RPIA: variants seen among roughly 807,000 people sequenced by gnomAD.
RPIA encodes ribose-5-phosphate isomerase.
A neutral mutation model predicts 37.8 loss-of-function variants in RPIA; 29 were observed. That is an observed-to-expected ratio of 0.77 (90% confidence interval 0.57 to 1.05). The LOEUF is 1.05. Among genes scored for constraint, RPIA ranks in the 50% least tolerant of loss-of-function variants. The pLI, the probability that RPIA is intolerant of heterozygous loss-of-function variation, is 0.00. For missense variants in RPIA, 385 were observed against 413.6 expected, an observed-to-expected ratio of 0.93 and a Z score of 0.60; for synonymous variants, 167 against 157.0, an observed-to-expected ratio of 1.06 and a Z score of -0.48.
chr2:88,692,719 A>T (rs1676956117), intron 1 of RPIA, among the ~76,000 whole-genome samples: 1 of 152,072 alleles, frequency 6.6e-6, no homozygotes, highest in African/African-American at 2.4e-5. Context: ...CAAGTGGAGT[A>T]TGTCTGCCCT....
chr2:88,721,437 A>G (rs1445276356), intron 3 of RPIA, among the ~76,000 whole-genome samples: 3 of 148,340 alleles, frequency 2.0e-5, no homozygotes, highest in Admixed American at 6.8e-5. Context: ...AATCATATTT[A>G]ATATAATTAG....
At chr2:88,746,689 G>A (rs771161393) in intron 8 of RPIA, among the ~76,000 whole-genome samples, 1 of 152,220 alleles carries the variant, frequency 6.6e-6, no homozygotes, top group Non-Finnish European at 1.5e-5. Flanking sequence ...CTCTGTGGGA[G>A]TCCCTGGTTG....
At chr2:88,729,175 G>T in intron 3 of RPIA, 103 bp from the exon 4 acceptor site, 6 of 1,237,736 alleles carry the variant, frequency 4.8e-6, no homozygotes, top group Non-Finnish European at 7.0e-6. Context: ...CTTTGGGAGA[G>T]AGCCTGGGTA....
intron 8 of RPIA, among the ~76,000 whole-genome samples, chr2:88,742,790 A>T (rs369685815): frequency 6.6e-6 from 1 of 151,138 alleles, no homozygotes; most frequent in Non-Finnish European, 1.5e-5. Context: ...TAAGTATTTT[A>T]TTTTTTTTGC....
At chr2:88,735,593 G>A (rs1673305209) in intron 5 of RPIA, 76 bp from the exon 6 acceptor site, 1 of 1,312,216 alleles carries the variant, frequency 7.6e-7, no homozygotes, top group South Asian at 1.2e-5. Flanking sequence ...GTGGATTTGG[G>A]ATTCCTGTAT....
chr2:88,747,862 G>A (rs906669480), intron 8 of RPIA, among the ~76,000 whole-genome samples: 3 of 152,250 alleles, frequency 2.0e-5, no homozygotes, highest in Admixed American at 6.5e-5. Flanking sequence ...CTTTCAAAGG[G>A]TCTGTGAATT....
At chr2:88,726,265 G>T (rs1332524210) in intron 3 of RPIA, among the ~76,000 whole-genome samples, 1 of 152,162 alleles carries the variant, frequency 6.6e-6, no homozygotes, top group Non-Finnish European at 1.5e-5. Flanking sequence ...TGGTTGTCGT[G>T]ATCATTTAAG....
intron 1 of RPIA, among the ~76,000 whole-genome samples, chr2:88,694,144 G>C (rs1279455058): frequency 6.6e-6 from 1 of 152,258 alleles, no homozygotes; most frequent in Non-Finnish European, 1.5e-5. Flanking sequence ...TCCTCTAGCA[G>C]GGCCTGCTTG....
chr2:88,693,003 C>T (rs1351296330), intron 1 of RPIA, among the ~76,000 whole-genome samples: 1 of 152,048 alleles, frequency 6.6e-6, no homozygotes, highest in African/African-American at 2.4e-5. Context: ...TCTGGTGTAG[C>T]TTGTTGTAAG....
chr2:88,720,772 G>A (rs1021368107), intron 3 of RPIA, among the ~76,000 whole-genome samples: 7 of 152,092 alleles, frequency 4.6e-5, no homozygotes, highest in Admixed American at 3.3e-4. Flanking sequence ...TGGTGAGAGT[G>A]TAAATTAGTT....
intron 1 of RPIA, among the ~76,000 whole-genome samples, chr2:88,693,850 A>G (rs1212121958): frequency 2.0e-5 from 3 of 152,354 alleles, no homozygotes; most frequent in African/African-American, 4.8e-5. Flanking sequence ...AATCCTTTGT[A>G]TAGCCACCTT....
At chr2:88,721,648 C>T (rs1305865681) in intron 3 of RPIA, among the ~76,000 whole-genome samples, 1 of 145,686 alleles carries the variant, frequency 6.9e-6, no homozygotes, top group African/African-American at 2.5e-5. Flanking sequence ...CCCAAATGCC[C>T]ATCAGTGATA....
chr2:88,749,526 A>G (rs1311797794), intron 8 of RPIA, among the ~76,000 whole-genome samples: 1 of 152,220 alleles, frequency 6.6e-6, no homozygotes, highest in East Asian at 1.9e-4. Flanking sequence ...CTTTGCAAAT[A>G]TCTCCTCCCA....
intron 3 of RPIA, among the ~76,000 whole-genome samples, chr2:88,714,234 G>A (rs544108898): frequency 6.6e-6 from 1 of 151,746 alleles, no homozygotes; most frequent in Non-Finnish European, 1.5e-5. Context: ...GCAGTGGCGC[G>A]ATCTGGGCTC....
chr2:88,729,295 G>A lies in RPIA; in HGVS notation c.420G>A (p.Leu140=). The change falls in exon 4 of 9, where the codon CTG becomes CTA. Residue 140 remains leucine (L), a synonymous_variant. Coordinates refer to ENST00000283646, the MANE Select transcript of RPIA (RefSeq NM_144563.3). ...CTCCGCAGGCCCGCCAGCTCATCCT[G>A]CAGTATGGCTTGACCCTCAGTGATC... ...PTSFQARQLI[L]QYGLTLSDLD... is the part of the protein sequence containing the mutation. The A allele has an allele frequency of 4.3e-6, 7 of 1,614,200 alleles. No homozygotes were observed. Among genetic ancestry groups the A allele is most frequent in the Non-Finnish European group, 5.1e-6 (6 of 1,180,020 alleles).
chr2:88,741,666 C>T (rs1238862050), intron 8 of RPIA, among the ~76,000 whole-genome samples: 1 of 152,192 alleles, frequency 6.6e-6, no homozygotes, highest in Non-Finnish European at 1.5e-5. Flanking sequence ...CTGTTTTCCA[C>T]AGTGGTTGTA....
chr2:88,700,393 G>A (rs1672813823), intron 3 of RPIA, among the ~76,000 whole-genome samples: 3 of 152,198 alleles, frequency 2.0e-5, no homozygotes, highest in Non-Finnish European at 2.9e-5. Flanking sequence ...GCTCATGCCT[G>A]TAATCTCAAG....
chr2:88,748,721 C>CT (rs1243260552), intron 8 of RPIA, among the ~76,000 whole-genome samples: 1 of 152,082 alleles, frequency 6.6e-6, no homozygotes, highest in African/African-American at 2.4e-5. Flanking sequence ...CTCTTTCTTT[C>CT]TTTTTTTGGA....
At chr2:88,712,777 G>A (rs571192055) in intron 3 of RPIA, among the ~76,000 whole-genome samples, 39 of 152,232 alleles carry the variant, frequency 2.6e-4, no homozygotes, top group African/African-American at 8.4e-4. Flanking sequence ...ACTGTAAGCC[G>A]CTATACTTGG....
Sources: allele counts gnomAD v4.1 joint callset (sites outside exome capture counted in the v4.1 genomes callset), GRCh38; gene constraint gnomAD v4.1.1; transcripts MANE v1.5; gene names NCBI Gene and HGNC (gene_info 2026-07-23, HGNC 2026-07-21).